The following DIAPH2 variants were observed in gnomAD, a reference collection of about 807,000 sequenced individuals.
DIAPH2 encodes diaphanous related formin 2, also known as protein diaphanous homolog 2.
Under a neutral mutation model 92.7 loss-of-function variants are expected in DIAPH2, and 35 were observed. The ratio of observed to expected loss-of-function variants is 0.38; its 90% confidence interval spans 0.29 to 0.50. DIAPH2 has a LOEUF of 0.50. Among genes scored for constraint, DIAPH2 ranks in the 20% least tolerant of loss-of-function variants. DIAPH2 has a pLI of 0.94. For synonymous variants in DIAPH2, 301 were observed against 280.4 expected (o/e 1.07, Z -0.73); for missense variants, 701 against 819.5 (o/e 0.86, Z 1.77).
intron 5 of DIAPH2, chrX:96,884,203 G>A (rs2065240825): frequency 1.6e-6 from 1 of 631,333 alleles, no homozygotes; most frequent in Non-Finnish European, 2.4e-6. Flanking sequence ...CGGACAGCTC[G>A]AAGCCTTCTG....
chrX:97,410,262 C>T (rs1278747395), intron 25 of DIAPH2, among the ~76,000 whole-genome samples: 1 of 112,139 alleles, frequency 8.9e-6, no homozygotes, highest in Non-Finnish European at 1.9e-5. Context: ...GATACCCAGG[C>T]AAACAGGGTC....
chrX:97,284,729 C>A (rs1313894653), intron 23 of DIAPH2, among the ~76,000 whole-genome samples: 1 of 110,932 alleles, frequency 9.0e-6, no homozygotes, highest in African/African-American at 3.3e-5. Context: ...TCGCCAGCCT[C>A]CCAGGAAGTT....
chrX:96,931,440 A>G (rs973851741), intron 10 of DIAPH2, among the ~76,000 whole-genome samples: 1 of 111,711 alleles, frequency 9.0e-6, no homozygotes, highest in African/African-American at 3.2e-5. Context: ...TACAAATACA[A>G]CTACTGTGGT....
chrX:97,271,873 A>G (rs953548210), intron 23 of DIAPH2, among the ~76,000 whole-genome samples: 1 of 110,582 alleles, frequency 9.0e-6, no homozygotes, highest in African/African-American at 3.3e-5. Context: ...ATATATACAC[A>G]TATATGTATA....
At position 97,262,281 on chromosome X, in the gene DIAPH2, A is replaced by G. The variant is rs577544099; in HGVS notation, c.2844+14442A>G. ...TGTTTTTAAAGTTGGCCAGGGCAGGACCCCTCCAAGGGAGTAACATTTAGG... is the reference window on the plus strand; with the variant it reads ...TGTTTTTAAAGTTGGCCAGGGCAGGGCCCCTCCAAGGGAGTAACATTTAGG... On this transcript the variant is annotated intron_variant, in intron 23 of 26. Transcript: ENST00000324765. Among the ~76,000 whole-genome samples the G allele has an allele frequency of 1.5e-4, 17 of 111,369 alleles. 1 individual carries two copies. In the East Asian group the frequency reaches 1.7e-3, roughly 11 times the overall value.
intron 4 of DIAPH2, among the ~76,000 whole-genome samples, chrX:96,818,691 A>C (rs929718267): frequency 1.8e-5 from 2 of 112,257 alleles, no homozygotes; most frequent in Non-Finnish European, 3.8e-5. Context: ...TTTGTCACCT[A>C]ACATCCCTAC....
intron 17 of DIAPH2, among the ~76,000 whole-genome samples, chrX:97,015,911 A>T (rs1314370521): frequency 9.0e-6 from 1 of 110,986 alleles, no homozygotes; most frequent in Non-Finnish European, 1.9e-5. Context: ...TATATTGATC[A>T]ATTCCTCTAT....
At chrX:97,048,531 C>CT (rs1285973013) in intron 17 of DIAPH2, among the ~76,000 whole-genome samples, 3 of 111,100 alleles carry the variant, frequency 2.7e-5, no homozygotes, top group Admixed American at 1.9e-4. Flanking sequence ...CTAATTAACT[C>CT]TTTTTTTCCT....
chrX:97,053,233 G>A (rs763115070), intron 17 of DIAPH2, among the ~76,000 whole-genome samples: 122 of 111,519 alleles, frequency 1.1e-3, no homozygotes, highest in Non-Finnish European at 8.5e-4. Flanking sequence ...TTCACTCAAG[G>A]TCAAAGCTGA....
At chrX:97,408,443 A>G (rs1328527925) in intron 25 of DIAPH2, among the ~76,000 whole-genome samples, 4 of 111,272 alleles carry the variant, frequency 3.6e-5, no homozygotes, top group Non-Finnish European at 7.6e-5. Context: ...CTGTGAGTAT[A>G]TGCCTTAGGA....
chrX:97,125,105 A>G (rs1482350329), intron 21 of DIAPH2, among the ~76,000 whole-genome samples: 1 of 111,476 alleles, frequency 9.0e-6, no homozygotes, highest in African/African-American at 3.3e-5. Flanking sequence ...GATTTTCACA[A>G]TTGGATAATC....
intron 21 of DIAPH2, among the ~76,000 whole-genome samples, chrX:97,136,289 A>G (rs542574184): frequency 3.6e-5 from 4 of 111,866 alleles, no homozygotes; most frequent in Admixed American, 2.8e-4. Context: ...TATCTTATTC[A>G]ATTCTGCAAA....
At chrX:97,412,153 G>A (rs866772340) in intron 25 of DIAPH2, among the ~76,000 whole-genome samples, 361 of 111,954 alleles carry the variant, frequency 3.2e-3, no homozygotes, top group Middle Eastern at 0.023. Flanking sequence ...ATAGTTGGAA[G>A]TAAAGCACTC....
At chrX:97,461,085 A>G (rs1431327305) in intron 26 of DIAPH2, among the ~76,000 whole-genome samples, 2 of 111,576 alleles carry the variant, frequency 1.8e-5, no homozygotes, top group Non-Finnish European at 3.8e-5. Context: ...TGAAATGGCA[A>G]GAGTTAAGAA....
chrX:96,698,641 G>A (rs193223684), intron 1 of DIAPH2, among the ~76,000 whole-genome samples: 22 of 110,480 alleles, frequency 2.0e-4, no homozygotes, highest in African/African-American at 5.9e-4. Flanking sequence ...TTTTAAAAAT[G>A]TGACAGGTAA....
At chrX:97,113,847 A>C (rs1274861351) in intron 20 of DIAPH2, among the ~76,000 whole-genome samples, 3 of 111,747 alleles carry the variant, frequency 2.7e-5, no homozygotes, top group Non-Finnish European at 5.6e-5. Flanking sequence ...ATTTATTTTC[A>C]CTGTGTGCAT....
chrX:97,591,083 T>C (rs2071513674), intron 26 of DIAPH2, among the ~76,000 whole-genome samples: 1 of 111,747 alleles, frequency 8.9e-6, no homozygotes, highest in Admixed American at 9.5e-5. Context: ...TCTTTGCAAA[T>C]AGGAAACATT....
At chrX:97,358,633 C>T in intron 24 of DIAPH2, among the ~76,000 whole-genome samples, 1 of 111,379 alleles carries the variant, frequency 9.0e-6, no homozygotes, top group South Asian at 3.7e-4. Flanking sequence ...AATTTGATCA[C>T]TGTATTGTTA....
At chrX:97,278,070 T>C (rs1162671248) in intron 23 of DIAPH2, among the ~76,000 whole-genome samples, 1 of 112,022 alleles carries the variant, frequency 8.9e-6, no homozygotes, top group Admixed American at 9.5e-5. Flanking sequence ...GGTCTCAATC[T>C]CTTGACCTCG....
Sources: gnomAD v4.1 joint callset for allele counts (sites outside exome capture counted in the v4.1 genomes callset) on GRCh38, gnomAD v4.1.1 for gene constraint, MANE v1.5 for transcripts, NCBI Gene and HGNC (gene_info 2026-07-23, HGNC 2026-07-21) for gene names.